The following CHCHD6 variants were observed in gnomAD, a reference collection of about 807,000 sequenced individuals.
CHCHD6 encodes MICOS complex subunit MIC25.
A neutral mutation model predicts 32.3 loss-of-function variants in CHCHD6; 28 were observed. The ratio of observed to expected loss-of-function variants is 0.87; its 90% CI spans 0.64 to 1.19. The LOEUF (loss-of-function observed/expected upper bound fraction) is 1.19. Ranked by LOEUF, CHCHD6 falls within the 50% of genes most tolerant of loss-of-function variation. The pLI is 0.00. For missense variants in CHCHD6, 333 were observed against 307.0 expected (o/e 1.08, Z -0.63); for synonymous variants, 122 against 117.5 (o/e 1.04, Z -0.25).
At chr3:126,796,413 C>G (rs540614210) in intron 4 of CHCHD6, among the ~76,000 whole-genome samples, 2 of 152,260 alleles carry the variant, frequency 1.3e-5, no homozygotes, top group East Asian at 3.9e-4. Context: ...CTTTTCCCCC[C>G]GGGATTGCCT....
intron 4 of CHCHD6, among the ~76,000 whole-genome samples, chr3:126,831,080 G>T (rs1940618843): frequency 6.6e-6 from 1 of 151,804 alleles, no homozygotes; most frequent in African/African-American, 2.4e-5. Context: ...CTGGAGTGTG[G>T]TGGCGCAATC....
intron 6 of CHCHD6, among the ~76,000 whole-genome samples, chr3:126,925,723 C>T (rs2078314070): frequency 6.6e-6 from 1 of 152,226 alleles, no homozygotes; most frequent in Non-Finnish European, 1.5e-5. Context: ...GCAGGGAGGC[C>T]TTCCGCCTTT....
intron 5 of CHCHD6, among the ~76,000 whole-genome samples, chr3:126,863,945 TCACCACCTCCTCCTCCACCATCAC>T (rs1313959967): frequency 2.6e-5 from 2 of 77,030 alleles, no homozygotes; most frequent in Non-Finnish European, 5.2e-5. Flanking sequence ...TTCTCCACCA[TCACCACCTCCTCCTCCACCATCAC>T]CACCTCCTCC....
chr3:126,813,337 C>A (rs1447142709), intron 4 of CHCHD6, among the ~76,000 whole-genome samples: 1 of 152,138 alleles, frequency 6.6e-6, no homozygotes, highest in African/African-American at 2.4e-5. Context: ...AAATTAATGT[C>A]AATAAATTAT....
rs1486581660 is a variant in CHCHD6, at chr3:126,714,420, G to C, written c.87+10021G>C. Among the ~76,000 whole-genome samples the C allele has an allele frequency of 2.0e-5, 3 of 152,160 alleles. No individual in the cohort carries two copies. In the East Asian group the frequency reaches 5.8e-4, roughly 29 times the overall value. On this transcript the variant is annotated intron_variant, in intron 1 of 7. Coordinates refer to ENST00000290913, the MANE Select transcript of CHCHD6 (RefSeq NM_032343.3). ...TTTCTGGGATTGACATCTGTGGTGA[G>C]CAGCCGGTGCATCTAATTTCAGCTC... is the stretch of plus-strand genomic sequence containing the variant.
At chr3:126,951,858 G>A (rs549672685) in intron 6 of CHCHD6, among the ~76,000 whole-genome samples, 9 of 152,338 alleles carry the variant, frequency 5.9e-5, no homozygotes, top group East Asian at 5.8e-4. Flanking sequence ...CTAGCAGGCC[G>A]TCAGGTCTGG....
chr3:126,836,122 C>T (rs1276179529), intron 4 of CHCHD6, among the ~76,000 whole-genome samples: 1 of 152,216 alleles, frequency 6.6e-6, no homozygotes, highest in Non-Finnish European at 1.5e-5. Flanking sequence ...TCTCCAGTGG[C>T]CCCTGTGCTC....
At chr3:126,879,963 A>C (rs531779810) in intron 5 of CHCHD6, among the ~76,000 whole-genome samples, 1 of 152,338 alleles carries the variant, frequency 6.6e-6, no homozygotes, top group East Asian at 1.9e-4. Flanking sequence ...AAATTTTTCA[A>C]AATAAGAACA....
At chr3:126,862,470 C>T (rs1211928364) in intron 5 of CHCHD6, among the ~76,000 whole-genome samples, 4 of 136,288 alleles carry the variant, frequency 2.9e-5, no homozygotes, top group Non-Finnish European at 4.8e-5. Context: ...CCACCATCAC[C>T]ACCTCCTCCT....
chr3:126,791,044 C>T (rs1338158698), intron 4 of CHCHD6, among the ~76,000 whole-genome samples: 2 of 152,218 alleles, frequency 1.3e-5, no homozygotes, highest in African/African-American at 4.8e-5. Context: ...TTCTAACAGT[C>T]AGGGTCCTCA....
intron 4 of CHCHD6, among the ~76,000 whole-genome samples, chr3:126,785,769 C>T (rs1477821737): frequency 6.6e-6 from 1 of 151,988 alleles, no homozygotes; most frequent in African/African-American, 2.4e-5. Flanking sequence ...ATAAATGTCC[C>T]AATTTTTCCT....
intron 4 of CHCHD6, among the ~76,000 whole-genome samples, chr3:126,804,816 A>G (rs979917283): frequency 2.0e-5 from 3 of 152,184 alleles, no homozygotes; most frequent in Non-Finnish European, 4.4e-5. Flanking sequence ...ATACTGGCAA[A>G]CCAAATCCAG....
At chr3:126,862,270 T>C (rs1576512246) in intron 5 of CHCHD6, among the ~76,000 whole-genome samples, 2 of 117,458 alleles carry the variant, frequency 1.7e-5, no homozygotes, top group Non-Finnish European at 3.6e-5. Context: ...CATCACCTCC[T>C]CCTCCTCTAC....
intron 4 of CHCHD6, among the ~76,000 whole-genome samples, chr3:126,737,030 A>AC (rs1936073827): frequency 6.6e-6 from 1 of 152,134 alleles, no homozygotes; most frequent in Non-Finnish European, 1.5e-5. Flanking sequence ...AGAAAGCAAA[A>AC]ACTTTCTTGG....
chr3:126,800,828 T>A (rs990817011), intron 4 of CHCHD6, among the ~76,000 whole-genome samples: 3 of 152,144 alleles, frequency 2.0e-5, no homozygotes, highest in Admixed American at 6.5e-5. Context: ...GATTAAAAGA[T>A]TGCTTCATGA....
chr3:126,926,262 C>T (rs578217390), intron 6 of CHCHD6, among the ~76,000 whole-genome samples: 1 of 152,346 alleles, frequency 6.6e-6, no homozygotes, highest in East Asian at 1.9e-4. Context: ...CATATTCAGG[C>T]ATTGCATTTT....
rs533922989 is a variant in CHCHD6 at position 126,912,268 on chromosome 3, C to T, written c.496-2412C>T. On this transcript the variant is annotated intron_variant, in intron 5 of 7. Coordinates refer to ENST00000290913, the MANE Select transcript of CHCHD6 (RefSeq NM_032343.3). ...TAAGCAGTTCCCACCCAGGCTGTGG[C>T]GGAAGGGCGTCTGCATGGAGTGGGA... Among the ~76,000 whole-genome samples the T allele has an allele frequency of 2.2e-4, 33 of 152,288 alleles. No homozygotes were observed. The South Asian group carries it at 3.5e-3, about 16-fold the overall frequency.
intron 4 of CHCHD6, among the ~76,000 whole-genome samples, chr3:126,756,294 A>G (rs1364882774): frequency 2.0e-5 from 3 of 152,188 alleles, no homozygotes; most frequent in Non-Finnish European, 4.4e-5. Context: ...TTGAGAATCA[A>G]TAGTTTTTGT....
At chr3:126,908,924 C>T (rs571011995) in intron 5 of CHCHD6, among the ~76,000 whole-genome samples, 19 of 152,348 alleles carry the variant, frequency 1.2e-4, no homozygotes, top group Non-Finnish European at 2.5e-4. Flanking sequence ...GTTACACACC[C>T]GGAAGAGGTG....
Sources: allele counts gnomAD v4.1 joint callset (sites outside exome capture counted in the v4.1 genomes callset), GRCh38; gene constraint gnomAD v4.1.1; transcripts MANE v1.5; gene names NCBI Gene and HGNC (gene_info 2026-07-23, HGNC 2026-07-21).